The following BFSP1 variants were observed in gnomAD, a reference collection of about 807,000 sequenced individuals.
BFSP1 encodes filensin.
In BFSP1, 38 loss-of-function variants were observed where a neutral mutation model predicts 43.9. The observed-to-expected ratio is 0.87, with a 90% CI of 0.67 to 1.14. The LOEUF (loss-of-function observed/expected upper bound fraction) is 1.14, where lower values mean the gene tolerates loss of function less well. Among genes scored for constraint, BFSP1 ranks in the 50% most tolerant of loss-of-function variants. The pLI is 0.00. For synonymous variants in BFSP1, 352 were observed against 354.8 expected (o/e 0.99, Z 0.09); for missense variants, 850 against 875.1 (o/e 0.97, Z 0.36).
In BFSP1 at chr20:17,516,890, G is replaced by A. The variant is rs2034211692; in HGVS notation, c.439-2074C>T. On this transcript the variant is annotated intron_variant, in intron 2 of 7. Transcript: ENST00000377873. ...TCACAGGGAAGACCATCACCCTCAA[G>A]GTTGAACCCTCAGATACGATAGAAA... The A allele has an allele frequency of 4.4e-6, 3 of 677,846 alleles. No homozygotes were observed. In the African/African-American group the frequency reaches 5.3e-5, roughly 12 times the overall value. The allele number at this position is 677,846 out of a possible 1,614,324, so 42.0% of individuals were successfully genotyped here.
chr20:17,530,739 A>G (rs1206653888), intron 1 of BFSP1, among the ~76,000 whole-genome samples: 1 of 152,278 alleles, frequency 6.6e-6, no homozygotes, highest in African/African-American at 2.4e-5. Context: ...TGAAAAGTAA[A>G]TGATACAACT....
At chr20:17,546,802 G>A (rs764263382) in intron 1 of BFSP1, among the ~76,000 whole-genome samples, 4 of 151,890 alleles carry the variant, frequency 2.6e-5, no homozygotes, top group Admixed American at 6.6e-5. Flanking sequence ...GAGGTAGGTG[G>A]ATCTCGAGGT....
chr20:17,500,071 A>G lies in BFSP1; in HGVS notation c.736-1031T>C, dbSNP rs182663198. Among the ~76,000 whole-genome samples the G allele has an allele frequency of 1.9e-3, 293 of 152,374 alleles. 1 individual carries two copies. The highest frequency in any genetic ancestry group is 6.8e-3 in the Middle Eastern group (2 of 294). ...ACTAAATAGATAAGATGCTACCTTTATTGAAATACTGAGTGGGAGAAAAGT... is the reference window on the plus strand; with the variant it reads ...ACTAAATAGATAAGATGCTACCTTTGTTGAAATACTGAGTGGGAGAAAAGT... On this transcript the variant is annotated intron_variant, in intron 5 of 7. Coordinates refer to ENST00000377873, the MANE Select transcript of BFSP1 (RefSeq NM_001195.5).
At chr20:17,568,528 A>G (rs2035149668) in intron 1 of BFSP1, among the ~76,000 whole-genome samples, 1 of 152,118 alleles carries the variant, frequency 6.6e-6, no homozygotes, top group African/African-American at 2.4e-5. Flanking sequence ...AGGAGTTGTT[A>G]GAAATGCCCA....
At chr20:17,508,461 A>G (rs1180696806) in intron 5 of BFSP1, among the ~76,000 whole-genome samples, 7 of 152,264 alleles carry the variant, frequency 4.6e-5, no homozygotes, top group Non-Finnish European at 7.3e-5. Context: ...TACCATGAGA[A>G]GGAAAACAGA....
rs2034426178 is a variant in BFSP1 at position 17,526,432 on chromosome 20, T to C, written c.378-1524A>G. 2.6e-5 allele frequency among the ~76,000 whole-genome samples: 4 copies of C among 152,218 alleles called. No individual in the cohort carries two copies. The South Asian group carries it at 8.3e-4, about 32-fold the overall frequency. On this transcript the variant is annotated intron_variant, in intron 1 of 7. Transcript: ENST00000377873. ...AGTGGAATCATACAATATTTTTCTT[T>C]CTGTGACTGGCTTGTTTCACTTAGC...
Position 17,494,708 on chromosome 20 carries a change from G to A in BFSP1, c.1364C>T (p.Pro455Leu), listed in dbSNP as rs1249280699. ...CTCAGTGGGGGTCTCAGGCTCTTTG[G>A]GGCTTCTCACTTTCTCCTTGACCTT... ...YRKVKEKVRS[P>L]KEPETPTELY... The change falls in exon 8 of 8, where the codon CCC becomes CTC. Residue 455 changes from proline to leucine, a missense_variant. By Grantham distance (98) the Pro-to-Leu change is moderately conservative (BLOSUM62 -3). Coordinates refer to ENST00000377873, the MANE Select transcript of BFSP1 (RefSeq NM_001195.5). The A allele has an allele frequency of 6.4e-7, 1 of 1,562,846 alleles. No individual in the cohort carries two copies. Among genetic ancestry groups the A allele is most frequent in the African/African-American group, 1.5e-5 (1 of 67,752 alleles).
intron 2 of BFSP1, among the ~76,000 whole-genome samples, chr20:17,523,703 C>T (rs2034361481): frequency 6.6e-6 from 1 of 151,062 alleles, no homozygotes; most frequent in Non-Finnish European, 1.5e-5. Flanking sequence ...ATTGACTGAC[C>T]TGTGTTATTA....
intron 3 of BFSP1, among the ~76,000 whole-genome samples, chr20:17,513,863 T>A (rs1296583852): frequency 6.6e-6 from 1 of 152,202 alleles, no homozygotes; most frequent in Admixed American, 6.5e-5. Flanking sequence ...CTGGTGAGTA[T>A]CTCTGGGTGC....
Position 17,558,126 on chromosome 20 carries a change from G to A in BFSP1, c.2+562C>T, listed in dbSNP as rs147436033. Among the ~76,000 whole-genome samples the A allele has an allele frequency of 5.4e-3, 809 of 149,006 alleles. 6 individuals carry two copies. Among genetic ancestry groups the A allele is most frequent in the African/African-American group, 0.019 (766 of 40,340 alleles). ...ATCTTATACACACAAAGATGGGGGG[G>A]GGTTTTACTCAGCAAGAAAAATATT... On this transcript the variant is annotated intron_variant, in intron 1 of 7. Transcript: ENST00000377868.
At chr20:17,520,656 T>C (rs971237432) in intron 2 of BFSP1, among the ~76,000 whole-genome samples, 11 of 152,180 alleles carry the variant, frequency 7.2e-5, no homozygotes, top group African/African-American at 2.4e-4. Flanking sequence ...TCTCCTCAAC[T>C]TTGCTGTCTC....
chr20:17,545,987 G>C lies in BFSP1; in HGVS notation c.2+12701C>G, dbSNP rs541015822. On this transcript the variant is annotated intron_variant, in intron 1 of 7. Transcript: ENST00000377868. ...AGAGTAGCTTCCAATAAACTATCTC[G>C]TCTTTCATCACACTTTACCACTTAC... Among the ~76,000 whole-genome samples the C allele has an allele frequency of 5.9e-5, 9 of 152,022 alleles. 1 individual carries two copies.
chr20:17,542,032 T>C (rs1440083288), intron 1 of BFSP1, among the ~76,000 whole-genome samples: 2 of 152,164 alleles, frequency 1.3e-5, no homozygotes, highest in East Asian at 3.9e-4. Flanking sequence ...ACTGATGTCC[T>C]CGTAACCTCC....
chr20:17,559,333 G>A (rs2035045310), upstream of BFSP1, among the ~76,000 whole-genome samples: 1 of 152,210 alleles, frequency 6.6e-6, no homozygotes, highest in South Asian at 2.1e-4. Context: ...TTAAGAGACT[G>A]CGTTAGTATT....
intron 1 of BFSP1, among the ~76,000 whole-genome samples, chr20:17,539,111 T>G (rs1055763861): frequency 4.4e-5 from 6 of 137,282 alleles, no homozygotes; most frequent in Admixed American, 7.3e-5. Flanking sequence ...TCTTCTTTTT[T>G]TTTTTTTTTT....
chr20:17,541,362 C>A (rs1171744465), intron 1 of BFSP1, among the ~76,000 whole-genome samples: 1 of 152,170 alleles, frequency 6.6e-6, no homozygotes, highest in Non-Finnish European at 1.5e-5. Context: ...CAGTTCCAGG[C>A]CCTCTCATTC....
upstream of BFSP1, among the ~76,000 whole-genome samples, chr20:17,563,925 CT>C (rs1317371661): frequency 7.1e-6 from 1 of 140,144 alleles, no homozygotes; most frequent in East Asian, 2.2e-4. Context: ...CCCTTTTTAT[CT>C]TTTTTCCTCC....
chr20:17,555,264 G>A (rs1159761953), intron 1 of BFSP1, among the ~76,000 whole-genome samples: 2 of 142,170 alleles, frequency 1.4e-5, no homozygotes, highest in African/African-American at 5.2e-5. Context: ...TCCAGCCTGG[G>A]TGACAGAGTG....
chr20:17,566,179 G>T (rs2035117067), intron 1 of BFSP1, among the ~76,000 whole-genome samples: 1 of 151,364 alleles, frequency 6.6e-6, no homozygotes, highest in African/African-American at 2.4e-5. Flanking sequence ...TAGGAAATAG[G>T]TGAATTTGTG....
Sources: gnomAD v4.1 joint callset for allele counts (sites outside exome capture counted in the v4.1 genomes callset) on GRCh38, gnomAD v4.1.1 for gene constraint, MANE v1.5 for transcripts, NCBI Gene and HGNC (gene_info 2026-07-23, HGNC 2026-07-21) for gene names.